The following IQANK1 variants were observed in gnomAD, a reference collection of about 807,000 sequenced individuals.
IQANK1 encodes the protein IQ motif and ankyrin repeat containing 1.
A neutral mutation model predicts 22.6 loss-of-function variants in IQANK1; 30 were observed. The observed-to-expected ratio is 1.33, with a 90% CI of 0.99 to 1.80. The LOEUF (loss-of-function observed/expected upper bound fraction) is 1.80. IQANK1 is among the 40% of genes most tolerant of loss of function. The pLI is 0.00. For synonymous variants in IQANK1, 122 were observed against 99.6 expected, an observed-to-expected ratio of 1.23 and a Z score of -1.34; for missense variants, 275 against 235.2, an observed-to-expected ratio of 1.17 and a Z score of -1.11.
chr8:143,773,960 G>A (rs1288772406), intron 7 of IQANK1, among the ~76,000 whole-genome samples: 2 of 152,158 alleles, frequency 1.3e-5, no homozygotes, highest in Non-Finnish European at 2.9e-5. Context: ...GGTGCCAGGG[G>A]ACTGTGTGTT....
At chr8:143,734,805 AC>A (rs1290995321) in intron 1 of IQANK1, among the ~76,000 whole-genome samples, 2 of 151,768 alleles carry the variant, frequency 1.3e-5, no homozygotes, top group African/African-American at 4.8e-5. Flanking sequence ...CCCAGTGTGC[AC>A]ACCAAGCCTC....
chr8:143,773,307 A>AACAAAAAAAAC (rs1563777376), intron 7 of IQANK1, among the ~76,000 whole-genome samples: 1 of 143,228 alleles, frequency 7.0e-6, no homozygotes, highest in African/African-American at 2.9e-5. Flanking sequence ...ACTCAAAAAA[A>AACAAAAAAAAC]AAAAAAAAAC....
intron 3 of IQANK1, among the ~76,000 whole-genome samples, chr8:143,748,927 A>G (rs1819116414): frequency 9.0e-6 from 1 of 110,582 alleles, no homozygotes; most frequent in Non-Finnish European, 1.7e-5. Flanking sequence ...ATATATAAAT[A>G]TATAAAAATA....
At chr8:143,775,158 G>A (rs1379326217) in intron 7 of IQANK1, among the ~76,000 whole-genome samples, 10 of 151,420 alleles carry the variant, frequency 6.6e-5, no homozygotes, top group African/African-American at 1.9e-4. Context: ...AATCCACTGT[G>A]AGCCCTGTAG....
At chr8:143,737,950 C>T (rs1818787303) in intron 2 of IQANK1, among the ~76,000 whole-genome samples, 1 of 152,228 alleles carries the variant, frequency 6.6e-6, no homozygotes, top group South Asian at 2.1e-4. Context: ...CACAGCCTTC[C>T]ATGTGCCCAG....
intron 3 of IQANK1, among the ~76,000 whole-genome samples, chr8:143,769,005 G>A (rs546414608): frequency 5.9e-5 from 9 of 152,056 alleles, no homozygotes; most frequent in African/African-American, 2.2e-4. Flanking sequence ...CCCAAAATCC[G>A]GGACATCCAT....
chr8:143,765,199 A>T (rs1388358117), intron 3 of IQANK1, among the ~76,000 whole-genome samples: 2 of 152,100 alleles, frequency 1.3e-5, no homozygotes, highest in African/African-American at 4.8e-5. Flanking sequence ...CTACCAAAAA[A>T]TACAGAAGTT....
chr8:143,750,709 A>T (rs1819171646), intron 3 of IQANK1, among the ~76,000 whole-genome samples: 1 of 152,036 alleles, frequency 6.6e-6, no homozygotes, highest in South Asian at 2.1e-4. Context: ...AGCTACTTGG[A>T]AGGCTGAGAT....
At chr8:143,753,115 C>T (rs903830267) in intron 3 of IQANK1, among the ~76,000 whole-genome samples, 34 of 150,962 alleles carry the variant, frequency 2.3e-4, no homozygotes, top group African/African-American at 8.3e-4. Flanking sequence ...GCAATCCTCC[C>T]TCCTCAGCCT....
intron 7 of IQANK1, among the ~76,000 whole-genome samples, chr8:143,775,375 C>G (rs782460270): frequency 4.0e-5 from 6 of 150,788 alleles, no homozygotes; most frequent in Admixed American, 6.6e-5. Context: ...CACACACACA[C>G]GAAAAATGAC....
rs1412889582 is a variant in IQANK1 at position 143,790,514 on chromosome 8, G to A, written c.1589G>A (p.Arg530His). 4 of 404,404 alleles carry A rather than the reference G, an allele frequency of 9.9e-6. No homozygotes were observed. Among genetic ancestry groups the A allele is most frequent in the Non-Finnish European group, 1.3e-5 (3 of 231,258 alleles). 25.1% of individuals were successfully genotyped at this position (404,404 alleles called of 1,614,324 possible). A position where few individuals can be genotyped will look rare whatever the true frequency, so the allele number is the denominator to read the frequency against. The change falls in exon 14 of 14, where the codon CGC becomes CAC. Residue 530 changes from arginine to histidine, a missense_variant. Arg to His is a conservative substitution (Grantham distance 29). Transcript: ENST00000527139. Reference sequence around the variant, plus strand: ...CAGGAGCAGCGGCTGGAGCACTTCCGCCTCTTTTTCGTCACCAAGGTCCAG... The same window carrying A: ...CAGGAGCAGCGGCTGGAGCACTTCCACCTCTTTTTCGTCACCAAGGTCCAG... ...QFQEQRLEHF[R>H]LFFVTKVQWP...
chr8:143,749,720 G>A (rs1246749132), intron 3 of IQANK1, among the ~76,000 whole-genome samples: 1 of 148,962 alleles, frequency 6.7e-6, no homozygotes, highest in East Asian at 2.0e-4. Flanking sequence ...CTGCCACCAT[G>A]CCTGGCTAAT....
rs1268636065 is a variant in IQANK1, at chr8:143,735,286, G to A, written c.-4-564G>A. On this transcript the variant is annotated intron_variant, in intron 1 of 13. Transcript: ENST00000527139. The surrounding 1 kb of genome is among the most constrained non-coding windows in gnomAD (Gnocchi z 5.2). ...GAGCCTCCCAGGGAAATGAACTTGG[G>A]GGTCAGCTGTGTGGACTAGGGAGAG... 6.6e-6 allele frequency among the ~76,000 whole-genome samples: 1 copy of A among 152,156 alleles called. No individual in the cohort carries two copies. Among genetic ancestry groups the A allele is most frequent in the African/African-American group, 2.4e-5 (1 of 41,436 alleles).
In IQANK1 at chr8:143,789,456, G is replaced by C. The variant is rs2129963739; in HGVS notation, c.1014G>C (p.Glu338Asp). The C allele has an allele frequency of 2.4e-6, 3 of 1,232,122 alleles. No individual in the cohort carries two copies. The highest frequency in any genetic ancestry group is 8.2e-5 in the South Asian group (2 of 24,334). 76.3% of individuals were successfully genotyped at this position (1,232,122 alleles called of 1,614,324 possible). ...CCCAGCTGCAACAGGCCTACTGTGAGCTTAGCCGGAGGATCTCAGAGCACG... is the reference window on the plus strand; with the variant it reads ...CCCAGCTGCAACAGGCCTACTGTGACCTTAGCCGGAGGATCTCAGAGCACG... Reference protein sequence around the residue: ...CHKELQQAYCELSRRISEHDQ... With the variant: ...CHKELQQAYCDLSRRISEHDQ... Residue 338 changes from glutamate to aspartate, a missense_variant, in exon 10 of 14, where the codon GAG becomes GAC. Transcript: ENST00000527139.
Position 143,774,971 on chromosome 8 carries a change from G to C in IQANK1, c.789+2489G>C, listed in dbSNP as rs566170726. Among the ~76,000 whole-genome samples, 10 of 152,300 alleles carry C rather than the reference G, an allele frequency of 6.6e-5. No individual in the cohort carries two copies. The East Asian group carries it at 1.9e-3, about 29-fold the overall frequency. On this transcript the variant is annotated intron_variant, in intron 7 of 13. Transcript: ENST00000527139. This position sits in a 1 kb window ranked among gnomAD's most constrained non-coding sequence, Gnocchi z 4.2. The stretch of plus-strand genomic sequence containing the variant: ...GGAGGGCTGCAGGGGTTACGGATGG[G>C]AGTGGGGGCAGGAAAAGCGGGGAGA...
At chr8:143,767,677 T>G (rs1819502765) in intron 3 of IQANK1, among the ~76,000 whole-genome samples, 1 of 151,812 alleles carries the variant, frequency 6.6e-6, no homozygotes, top group Non-Finnish European at 1.5e-5. Flanking sequence ...TTACCTGTAG[T>G]CTGTAACTGT....
chr8:143,758,501 G>T lies in IQANK1; in HGVS notation c.176-12987G>T, dbSNP rs1819333455. 1 of 152,156 alleles carries T rather than the reference G, an allele frequency of 6.6e-6. No individual in the cohort carries two copies. The highest frequency in any genetic ancestry group is 1.5e-5 in the Non-Finnish European group (1 of 68,056). The allele number at this position is 152,156 out of a possible 1,614,324, so 9.4% of individuals were successfully genotyped here. ...AAAAGAAGATGAAACATTTTATCTGGGTGAAGGGATGATTTAACTCATGAA... is the reference window on the plus strand; with the variant it reads ...AAAAGAAGATGAAACATTTTATCTGTGTGAAGGGATGATTTAACTCATGAA... On this transcript the variant is annotated intron_variant, in intron 3 of 13. Transcript: ENST00000527139. This position sits in a 1 kb window ranked among gnomAD's most constrained non-coding sequence, Gnocchi z 4.2.
rs1818725695 is a variant in IQANK1 at position 143,735,927 on chromosome 8, G to A, written c.74G>A (p.Arg25Lys). 1.4e-6 allele frequency: 1 copy of A among 702,422 alleles called. No homozygotes were observed. Among genetic ancestry groups the A allele is most frequent in the African/African-American group, 1.7e-5 (1 of 57,178 alleles). 43.5% of individuals were successfully genotyped at this position (702,422 alleles called of 1,614,324 possible). The stretch of plus-strand genomic sequence containing the variant: ...ACGCTCCACCCTGGGCCCAAGACAA[G>A]AGCTGCTGCTGGTAAGTGCACCCTC... ...WQTLHPGPKT[R>K]AAAGKPGENR... Residue 25 changes from arginine (R) to lysine (K), a missense_variant, in exon 2 of 14, where the codon AGA becomes AAA. By Grantham distance (26) the Arg-to-Lys change is conservative. Coordinates refer to ENST00000527139, the MANE Select transcript of IQANK1 (RefSeq NM_001381874.1). The surrounding 1 kb of genome is among the most constrained non-coding windows in gnomAD (Gnocchi z 5.2).
Position 143,790,341 on chromosome 8 carries a change from A to G in IQANK1, c.1425-9A>G. 3 of 1,205,906 alleles carry G rather than the reference A, an allele frequency of 2.5e-6. No individual in the cohort carries two copies. The East Asian group carries it at 9.5e-5, about 38-fold the overall frequency. The allele number at this position is 1,205,906 out of a possible 1,614,324, so 74.7% of individuals were successfully genotyped here. On this transcript the variant is annotated splice_polypyrimidine_tract_variant and intron_variant, in intron 13 of 13. Transcript: ENST00000527139. The stretch of plus-strand genomic sequence containing the variant: ...GCCCCACCCTGGCCTCACCAGCCTC[A>G]TGGGGCAGGTATGGGAAGCCGCTGG...
Sources: allele counts gnomAD v4.1 joint callset (sites outside exome capture counted in the v4.1 genomes callset), GRCh38; gene constraint gnomAD v4.1.1; non-coding constraint Gnocchi (gnomAD v3.1); transcripts MANE v1.5; gene names NCBI Gene and HGNC (gene_info 2026-07-23, HGNC 2026-07-21).